Variants in SH3BP5 observed in about 807,000 individuals in gnomAD.
SH3BP5 encodes the protein SH3 domain binding protein 5.
In SH3BP5, 22 loss-of-function variants were observed where a neutral mutation model predicts 43.3. The observed-to-expected ratio is 0.51, with a 90% CI of 0.36 to 0.73. SH3BP5 has a LOEUF of 0.73. Among genes scored for constraint, SH3BP5 ranks in the 30% least tolerant of loss-of-function variants. The pLI, the probability that SH3BP5 is intolerant of heterozygous loss-of-function variation, is 0.00. For synonymous variants in SH3BP5, 255 were observed against 225.8 expected, an observed-to-expected ratio of 1.13 and a Z score of -1.16; for missense variants, 529 against 586.9, an observed-to-expected ratio of 0.90 and a Z score of 1.02.
At chr3:15,271,615 T>G (rs1696799865) in intron 3 of SH3BP5, 1 of 151,794 alleles carries the variant, frequency 6.6e-6, no homozygotes, top group Non-Finnish European at 1.5e-5. Flanking sequence ...GAGGTGGAGG[T>G]TGCAGTGAGC....
intron 2 of SH3BP5, among the ~76,000 whole-genome samples, chr3:15,322,471 T>A (rs1401620359): frequency 6.6e-6 from 1 of 152,192 alleles, no homozygotes; most frequent in African/African-American, 2.4e-5. Flanking sequence ...GGACAGGTTC[T>A]GGGGAGGGAA....
At chr3:15,301,711 A>C (rs1697758522) in intron 3 of SH3BP5, among the ~76,000 whole-genome samples, 1 of 152,088 alleles carries the variant, frequency 6.6e-6, no homozygotes, top group African/African-American at 2.4e-5. Flanking sequence ...GGACACCACC[A>C]AACAGAGGGA....
intron 2 of SH3BP5, among the ~76,000 whole-genome samples, chr3:15,325,045 C>T (rs962684804): frequency 1.2e-4 from 18 of 152,100 alleles, no homozygotes; most frequent in African/African-American, 4.3e-4. Context: ...AGGAAAAGGA[C>T]GGACCCCTTC....
At chr3:15,269,483 A>C (rs1210195807) in intron 4 of SH3BP5, among the ~76,000 whole-genome samples, 1 of 152,136 alleles carries the variant, frequency 6.6e-6, no homozygotes, top group Admixed American at 6.5e-5. Context: ...AACCTCAAGC[A>C]ACATAAGGGA....
chr3:15,332,325 T>TTCC lies in SH3BP5; in HGVS notation c.81_83dup (p.Glu29dup), dbSNP rs760711039. 1.6e-5 allele frequency: 24 copies of TTCC among 1,529,528 alleles called. No homozygotes were observed. Among genetic ancestry groups the TTCC allele is most frequent in the Middle Eastern group, 1.7e-4 (1 of 5,918 alleles). The allele number at this position is 1,529,528 out of a possible 1,614,324, so 94.7% of individuals were successfully genotyped here. A position where few individuals can be genotyped will look rare whatever the true frequency, so the allele number is the denominator to read the frequency against. ...CCTCCAGCCCCTGCTCCATCCCCTCTTCCTCCTCCTCCTCCTCGTCCCGGG... is the reference window on the plus strand; with the variant it reads ...CCTCCAGCCCCTGCTCCATCCCCTCTTCCTCCTCCTCCTCCTCCTCGTCCCGGG... On this transcript the variant is annotated inframe_insertion, in exon 1 of 9. Coordinates refer to ENST00000383791, the MANE Select transcript of SH3BP5 (RefSeq NM_004844.5).
At chr3:15,292,923 C>T (rs763323360) in intron 3 of SH3BP5, among the ~76,000 whole-genome samples, 1 of 152,162 alleles carries the variant, frequency 6.6e-6, no homozygotes, top group Admixed American at 6.5e-5. Flanking sequence ...CGAGGCAGAG[C>T]CAGCCAAGCA....
intron 3 of SH3BP5, among the ~76,000 whole-genome samples, chr3:15,277,735 T>C (rs1395070281): frequency 1.3e-5 from 2 of 152,032 alleles, no homozygotes; most frequent in Non-Finnish European, 2.9e-5. Context: ...CCCACTCCCC[T>C]TTCTAAATGT....
intron 2 of SH3BP5, among the ~76,000 whole-genome samples, chr3:15,305,210 C>T (rs1196761388): frequency 6.6e-6 from 1 of 152,084 alleles, no homozygotes; most frequent in Non-Finnish European, 1.5e-5. Context: ...GATTAAAAAG[C>T]TTTGTCCAGG....
chr3:15,302,761 C>G (rs1290577083), intron 3 of SH3BP5, among the ~76,000 whole-genome samples: 2 of 152,096 alleles, frequency 1.3e-5, no homozygotes, highest in Non-Finnish European at 2.9e-5. Flanking sequence ...TGCACATACA[C>G]AGTAGGTGCT....
chr3:15,274,996 C>T (rs755740477), intron 3 of SH3BP5, among the ~76,000 whole-genome samples: 10 of 152,180 alleles, frequency 6.6e-5, no homozygotes, highest in Non-Finnish European at 1.0e-4. Context: ...TCGCTGATTA[C>T]AATTCGACAG....
chr3:15,327,614 A>C (rs1698497211), intron 2 of SH3BP5, among the ~76,000 whole-genome samples: 1 of 152,184 alleles, frequency 6.6e-6, no homozygotes, highest in Non-Finnish European at 1.5e-5. Flanking sequence ...TATTACCACC[A>C]GTAATTATTA....
At chr3:15,261,209 C>T (rs1358241422) in intron 5 of SH3BP5, among the ~76,000 whole-genome samples, 1 of 152,226 alleles carries the variant, frequency 6.6e-6, no homozygotes, top group Non-Finnish European at 1.5e-5. Flanking sequence ...AACAAAAATA[C>T]ACTAGTCAAT....
intron 1 of SH3BP5, among the ~76,000 whole-genome samples, chr3:15,331,628 G>C (rs1204414025): frequency 6.6e-6 from 1 of 152,156 alleles, no homozygotes; most frequent in Non-Finnish European, 1.5e-5. Context: ...TTGCGCATCA[G>C]TTGTCCCCGA....
At chr3:15,283,770 T>C (rs1011456828) in intron 3 of SH3BP5, among the ~76,000 whole-genome samples, 14 of 152,176 alleles carry the variant, frequency 9.2e-5, no homozygotes, top group Admixed American at 7.9e-4. Flanking sequence ...AAAACCAAAC[T>C]GCAGGCACCT....
At chr3:15,259,174 C>G in intron 6 of SH3BP5, 124 bp from the exon 7 acceptor site, 1 of 743,128 alleles carries the variant, frequency 1.3e-6, no homozygotes, top group Non-Finnish European at 2.3e-6. Context: ...CAAGACATGA[C>G]TGAAGACCTA....
chr3:15,306,054 T>TTAAAAAAAA (rs377355419), intron 2 of SH3BP5, among the ~76,000 whole-genome samples: 2 of 137,032 alleles, frequency 1.5e-5, no homozygotes, highest in Non-Finnish European at 3.1e-5. Context: ...TGCATGAGTT[T>TTAAAAAAAA]AAAAAAAAAA....
At chr3:15,290,482 C>T (rs981042327) in intron 3 of SH3BP5, among the ~76,000 whole-genome samples, 11 of 143,158 alleles carry the variant, frequency 7.7e-5, no homozygotes, top group East Asian at 6.2e-4. Context: ...GCCGAGATTG[C>T]GCCACTGCAC....
chr3:15,322,285 C>G lies in SH3BP5; in HGVS notation c.201+8219G>C, dbSNP rs1030257077. Among the ~76,000 whole-genome samples the G allele has an allele frequency of 2.0e-5, 3 of 152,004 alleles. No homozygotes were observed. In the East Asian group the frequency reaches 5.8e-4, roughly 29 times the overall value. ...CTATATATATGGTTCTAGATATGCT[C>G]TATATAGTTTTATATATATTTTATG... On this transcript the variant is annotated intron_variant, in intron 2 of 8. Transcript: ENST00000383791.
At chr3:15,270,626 A>G (rs1696770412) in intron 3 of SH3BP5, among the ~76,000 whole-genome samples, 1 of 152,106 alleles carries the variant, frequency 6.6e-6, no homozygotes, top group Non-Finnish European at 1.5e-5. Context: ...GTGTCTACTG[A>G]TTGTTCAAAA....
Sources: gnomAD v4.1 joint callset for allele counts (sites outside exome capture counted in the v4.1 genomes callset) on GRCh38, gnomAD v4.1.1 for gene constraint, MANE v1.5 for transcripts, NCBI Gene and HGNC (gene_info 2026-07-23, HGNC 2026-07-21) for gene names.